LOC128462377: variants seen among roughly 807,000 people sequenced by gnomAD.
chr16:89,395,526 G>A, the LOC128462377 span, among the ~76,000 whole-genome samples: 7 of 152,312 alleles, frequency 4.6e-5, no homozygotes, highest in South Asian at 1.0e-3. Flanking sequence ...ACGGGGAACC[G>A]AATCTTACTT....
chr16:89,321,743 A>G, the LOC128462377 span, among the ~76,000 whole-genome samples: 1 of 152,178 alleles, frequency 6.6e-6, no homozygotes, highest in Non-Finnish European at 1.5e-5. Context: ...TTCACCTTCA[A>G]TAAAGGGATG....
At chr16:89,324,399 G>A in the LOC128462377 span, 39 of 558,762 alleles carry the variant, frequency 7.0e-5, no homozygotes, top group Non-Finnish European at 9.3e-5. Context: ...TCTCAGCTTC[G>A]TTAGTCATCA....
the LOC128462377 span, chr16:89,323,237 G>T: frequency 1.8e-4 from 209 of 1,193,404 alleles, no homozygotes; most frequent in South Asian, 8.8e-5. Flanking sequence ...AAAGAAAAAA[G>T]GAGAAAAGGA....
At chr16:89,404,639 C>G in the LOC128462377 span, among the ~76,000 whole-genome samples, 3 of 152,216 alleles carry the variant, frequency 2.0e-5, no homozygotes, top group Non-Finnish European at 4.4e-5. Context: ...GACGCAGTCA[C>G]TACTATGGAT....
At chr16:89,415,341 T>G in the LOC128462377 span, among the ~76,000 whole-genome samples, 13 of 145,494 alleles carry the variant, frequency 8.9e-5, no homozygotes. Flanking sequence ...CTCGGTTTAC[T>G]GCAAGCTCCG....
the LOC128462377 span, among the ~76,000 whole-genome samples, chr16:89,344,175 C>G: frequency 1.3e-5 from 2 of 152,190 alleles, no homozygotes; most frequent in African/African-American, 4.8e-5. Context: ...AACCCTGGCT[C>G]AGGACAGATT....
chr16:89,338,833 A>G, the LOC128462377 span, among the ~76,000 whole-genome samples: 1 of 152,128 alleles, frequency 6.6e-6, no homozygotes, highest in Non-Finnish European at 1.5e-5. Context: ...CAGGCAAAAC[A>G]ATCATTTCCC....
the LOC128462377 span, among the ~76,000 whole-genome samples, chr16:89,413,061 C>T: frequency 2.8e-4 from 42 of 152,168 alleles, no homozygotes; most frequent in Non-Finnish European, 6.0e-4. Context: ...CAACCAGAGC[C>T]TGGAGGGGGA....
chr16:89,339,675 A>G, the LOC128462377 span, among the ~76,000 whole-genome samples: 33 of 152,344 alleles, frequency 2.2e-4, no homozygotes, highest in African/African-American at 7.0e-4. Context: ...GCACACAGAA[A>G]AGGATGAAGG....
the LOC128462377 span, among the ~76,000 whole-genome samples, chr16:89,336,173 C>T: frequency 2.0e-5 from 3 of 152,214 alleles, no homozygotes; most frequent in Non-Finnish European, 4.4e-5. Flanking sequence ...GTCCAGGATA[C>T]CTCTGGAGCT....
chr16:89,400,826 A>G, the LOC128462377 span, among the ~76,000 whole-genome samples: 1,374 of 146,394 alleles, frequency 9.4e-3, 35 homozygotes, highest in Non-Finnish European at 0.017. Context: ...CCTGCGCTGG[A>G]GGCTGGTCAT....
At chr16:89,375,535 C>T in the LOC128462377 span, among the ~76,000 whole-genome samples, 25 of 152,050 alleles carry the variant, frequency 1.6e-4, no homozygotes, top group Admixed American at 7.9e-4. Flanking sequence ...TCTTGGCTCG[C>T]TGCAACCTCT....
the LOC128462377 span, among the ~76,000 whole-genome samples, chr16:89,340,583 A>G: frequency 6.6e-6 from 1 of 152,220 alleles, no homozygotes; most frequent in Non-Finnish European, 1.5e-5. Context: ...TCCTGTTGTA[A>G]ATCTTTTATC....
chr16:89,409,903 A>G, the LOC128462377 span, among the ~76,000 whole-genome samples: 2 of 151,794 alleles, frequency 1.3e-5, no homozygotes, highest in African/African-American at 4.9e-5. Flanking sequence ...GTAGTGGCAC[A>G]ATCTCAACTC....
the LOC128462377 span, among the ~76,000 whole-genome samples, chr16:89,417,722 A>C: frequency 2.0e-5 from 3 of 152,084 alleles, no homozygotes; most frequent in East Asian, 5.8e-4. Flanking sequence ...ACCTAACAAG[A>C]GCACAACAGC....
chr16:89,393,091 G>A, the LOC128462377 span, among the ~76,000 whole-genome samples: 1 of 151,976 alleles, frequency 6.6e-6, no homozygotes, highest in Non-Finnish European at 1.5e-5. Flanking sequence ...AGGAAACACG[G>A]TCTCCCTCCC....
At chr16:89,408,910 A>C in the LOC128462377 span, among the ~76,000 whole-genome samples, 1 of 152,264 alleles carries the variant, frequency 6.6e-6, no homozygotes, top group South Asian at 2.1e-4. Flanking sequence ...CACAGACCTT[A>C]GGAGTTACTG....
chr16:89,352,131 T>C, the LOC128462377 span, among the ~76,000 whole-genome samples: 1 of 152,112 alleles, frequency 6.6e-6, no homozygotes, highest in Non-Finnish European at 1.5e-5. Context: ...CCTCAAGTGA[T>C]CCGCCTGCCT....
the LOC128462377 span, among the ~76,000 whole-genome samples, chr16:89,369,258 G>C: frequency 6.6e-6 from 1 of 152,226 alleles, no homozygotes; most frequent in Admixed American, 6.5e-5. Flanking sequence ...CCTACACCTA[G>C]GTACGCCCGA....
Sources: allele counts gnomAD v4.1 joint callset (sites outside exome capture counted in the v4.1 genomes callset), GRCh38; gene constraint gnomAD v4.1.1; transcripts MANE v1.5.